Variants in CCDC178 observed in about 807,000 individuals in gnomAD.
CCDC178 encodes the protein coiled-coil domain-containing protein 178.
CCDC178 carries 126 observed loss-of-function variants against 117.4 expected under a neutral mutation model. The ratio of observed to expected loss-of-function variants is 1.07; its 90% CI spans 0.93 to 1.24. The LOEUF is 1.24. CCDC178 is among the 50% of genes most tolerant of loss of function. The pLI is 0.00. For synonymous variants in CCDC178, 283 were observed against 313.4 expected, an observed-to-expected ratio of 0.90 and a Z score of 1.02; for missense variants, 1,030 against 986.9, an observed-to-expected ratio of 1.04 and a Z score of -0.59.
intron 15 of CCDC178, among the ~76,000 whole-genome samples, chr18:33,239,134 T>C (rs1258087385): frequency 6.6e-6 from 1 of 152,016 alleles, no homozygotes; most frequent in East Asian, 1.9e-4. Flanking sequence ...GTTTCACATC[T>C]GGTGGTGAAA....
intron 12 of CCDC178, among the ~76,000 whole-genome samples, chr18:33,270,343 A>G (rs914749915): frequency 6.6e-6 from 1 of 151,602 alleles, no homozygotes; most frequent in Admixed American, 6.6e-5. Context: ...TAATGGCTGA[A>G]AACTTGCAAA....
intron 15 of CCDC178, among the ~76,000 whole-genome samples, chr18:33,240,275 T>C (rs528754900): frequency 1.3e-5 from 2 of 151,662 alleles, no homozygotes; most frequent in Non-Finnish European, 3.0e-5. Context: ...ATGCATACAC[T>C]ACTTAGAAAG....
intron 16 of CCDC178, among the ~76,000 whole-genome samples, 175 bp from the exon 17 acceptor site, chr18:33,225,111 A>T (rs986831401): frequency 2.0e-5 from 3 of 150,368 alleles, no homozygotes; most frequent in Non-Finnish European, 4.4e-5. Context: ...TATATTACAT[A>T]TATTATAATA....
intron 21 of CCDC178, among the ~76,000 whole-genome samples, chr18:33,031,282 C>T (rs377109106): frequency 6.6e-6 from 1 of 150,500 alleles, no homozygotes; most frequent in East Asian, 2.0e-4. Context: ...GTTGCTCAGG[C>T]TGTAGTGCAG....
chr18:33,164,103 CTTTTTTTTTTTT>C (rs34932085), intron 20 of CCDC178, among the ~76,000 whole-genome samples: 10 of 111,348 alleles, frequency 9.0e-5, no homozygotes, highest in Non-Finnish European at 3.6e-5. Flanking sequence ...CGCTTACATT[CTTTTTTTTTTTT>C]TTTTTTTTTT....
intron 22 of CCDC178, among the ~76,000 whole-genome samples, chr18:32,967,938 T>A (rs898738448): frequency 6.6e-6 from 1 of 151,712 alleles, no homozygotes; most frequent in Non-Finnish European, 1.5e-5. Flanking sequence ...AATACCTGCA[T>A]ACACTATATA....
intron 20 of CCDC178, among the ~76,000 whole-genome samples, chr18:33,105,652 CA>C: frequency 6.6e-6 from 1 of 151,672 alleles, no homozygotes; most frequent in South Asian, 2.1e-4. Context: ...AACATAAAAA[CA>C]CAGAAATTTA....
chr18:33,114,683 T>C (rs892684051), intron 20 of CCDC178, among the ~76,000 whole-genome samples: 3 of 152,094 alleles, frequency 2.0e-5, no homozygotes, highest in Non-Finnish European at 2.9e-5. Context: ...AACAGGGCTA[T>C]AGTTACTTTT....
In CCDC178 at chr18:33,348,918, C is replaced by G; in HGVS notation, c.429G>C (p.Val143=). 5.0e-6 allele frequency: 8 copies of G among 1,610,558 alleles called. No individual in the cohort carries two copies. The highest frequency in any genetic ancestry group is 6.8e-6 in the Non-Finnish European group (8 of 1,178,036). ...LKEDWSVTTP[V]KEVKPGEKRD... ...TCTTTTCTCCTGGTTTGACCTCTTT[C>G]ACTGGTGTAGTTACACTCCAATCTT... is the stretch of plus-strand genomic sequence containing the variant. The change falls in exon 8 of 23, where the codon GTG becomes GTC. Residue 143 remains valine (V), a synonymous_variant. Transcript: ENST00000383096.
chr18:33,337,475 G>A (rs932657895), intron 9 of CCDC178, among the ~76,000 whole-genome samples: 1 of 151,976 alleles, frequency 6.6e-6, no homozygotes, highest in Non-Finnish European at 1.5e-5. Context: ...GGGCATCCTT[G>A]TCTTGCTCCA....
intron 20 of CCDC178, among the ~76,000 whole-genome samples, chr18:33,095,974 GTTAT>G (rs2057536566): frequency 6.6e-6 from 1 of 151,964 alleles, no homozygotes; most frequent in Non-Finnish European, 1.5e-5. Flanking sequence ...TTTTTCTTGG[GTTAT>G]TTAGTTAGCC....
At chr18:33,174,806 T>C (rs911953865) in intron 20 of CCDC178, among the ~76,000 whole-genome samples, 1 of 152,060 alleles carries the variant, frequency 6.6e-6, no homozygotes, top group Non-Finnish European at 1.5e-5. Flanking sequence ...AGTAACCTTA[T>C]CTCTCCTTCT....
At chr18:33,404,377 A>G (rs77298912) in intron 3 of CCDC178, among the ~76,000 whole-genome samples, 1 of 147,802 alleles carries the variant, frequency 6.8e-6, no homozygotes, top group Admixed American at 6.8e-5. Flanking sequence ...TCTACTAATT[A>G]AAAAAAAAAA....
At chr18:33,317,426 TTAAGA>T (rs1382194731) in intron 11 of CCDC178, among the ~76,000 whole-genome samples, 2 of 152,128 alleles carry the variant, frequency 1.3e-5, no homozygotes, top group Non-Finnish European at 2.9e-5. Flanking sequence ...CACGCCGCCT[TTAAGA>T]ACTGTAACAC....
chr18:33,422,036 T>C (rs2064033738), intron 2 of CCDC178, among the ~76,000 whole-genome samples: 3 of 152,216 alleles, frequency 2.0e-5, no homozygotes, highest in Admixed American at 6.5e-5. Context: ...CTTCCTCACA[T>C]GCTTTTGCTT....
chr18:32,962,830 T>C (rs1164827707), intron 22 of CCDC178, among the ~76,000 whole-genome samples: 2 of 152,164 alleles, frequency 1.3e-5, no homozygotes, highest in East Asian at 3.9e-4. Context: ...GCACTCACCA[T>C]CGGCAGATAA....
chr18:33,370,526 T>C lies in CCDC178; in HGVS notation c.209-337A>G, dbSNP rs116807628. Among the ~76,000 whole-genome samples, 1,011 of 152,108 alleles carry C rather than the reference T, an allele frequency of 6.6e-3. 8 individuals carry two copies. The highest frequency in any genetic ancestry group is 0.023 in the African/African-American group (959 of 41,548). ...CAGAAAAAACAGTTGACCCATGTGT[T>C]ACTAAACAGATTCTGAATCTCTTAA... On this transcript the variant is annotated intron_variant, in intron 5 of 22. Coordinates refer to ENST00000383096, the MANE Select transcript of CCDC178 (RefSeq NM_001105528.4).
At chr18:33,301,075 G>A (rs2062171189) in intron 11 of CCDC178, among the ~76,000 whole-genome samples, 1 of 152,200 alleles carries the variant, frequency 6.6e-6, no homozygotes, top group South Asian at 2.1e-4. Flanking sequence ...GCAGGCCTGG[G>A]ATGCTGCTTC....
At chr18:33,108,532 G>C (rs1379913442) in intron 20 of CCDC178, among the ~76,000 whole-genome samples, 1 of 151,492 alleles carries the variant, frequency 6.6e-6, no homozygotes, top group East Asian at 1.9e-4. Context: ...AGATTTGTTT[G>C]TGTCAACTAT....
Sources: allele counts gnomAD v4.1 joint callset (sites outside exome capture counted in the v4.1 genomes callset), GRCh38; gene constraint gnomAD v4.1.1; transcripts MANE v1.5; gene names NCBI Gene and HGNC (gene_info 2026-07-23, HGNC 2026-07-21).